Variants in PTPRT observed in about 807,000 individuals in gnomAD.
PTPRT encodes protein tyrosine phosphatase receptor type T.
PTPRT carries 56 observed loss-of-function variants against 176.8 expected under a neutral mutation model. That is an observed-to-expected ratio of 0.32 (90% CI 0.26 to 0.40). The LOEUF is 0.40. Among genes scored for constraint, PTPRT ranks in the 10% least tolerant of loss-of-function variants. The pLI, the probability that PTPRT is intolerant of heterozygous loss-of-function variation, is 1.00. For synonymous variants in PTPRT, 783 were observed against 739.0 expected (o/e 1.06, Z -0.96); for missense variants, 1,540 against 1,908.2 (o/e 0.81, Z 3.60).
intron 7 of PTPRT, among the ~76,000 whole-genome samples, chr20:42,614,575 A>G (rs747596273): frequency 2.2e-4 from 33 of 151,958 alleles, no homozygotes; most frequent in Non-Finnish European, 4.1e-4. Context: ...GCTTTTTTCA[A>G]CTTTCACCAT....
the PTPRT span, among the ~76,000 whole-genome samples, chr20:42,039,246 A>G: frequency 6.6e-6 from 1 of 152,332 alleles, no homozygotes; most frequent in East Asian, 1.9e-4. Flanking sequence ...GTATATATTT[A>G]TGGTAGATCA....
At chr20:42,784,322 T>C (rs1045194661) in intron 3 of PTPRT, among the ~76,000 whole-genome samples, 3 of 152,210 alleles carry the variant, frequency 2.0e-5, no homozygotes, top group Non-Finnish European at 2.9e-5. Flanking sequence ...AAAATCTGCA[T>C]GGCAAAAATT....
chr20:43,151,177 G>GCA (rs2014339839), intron 1 of PTPRT, among the ~76,000 whole-genome samples: 1 of 151,790 alleles, frequency 6.6e-6, no homozygotes, highest in Non-Finnish European at 1.5e-5. Flanking sequence ...ATGGTGGCTT[G>GCA]TGCCTGTAAT....
At chr20:42,386,369 T>C (rs2058744324) in intron 9 of PTPRT, among the ~76,000 whole-genome samples, 1 of 152,098 alleles carries the variant, frequency 6.6e-6, no homozygotes, top group African/African-American at 2.4e-5. Context: ...TACGGGGACC[T>C]AACTAAAAAT....
At chr20:42,218,094 C>G (rs539532045) in intron 15 of PTPRT, among the ~76,000 whole-genome samples, 1 of 152,124 alleles carries the variant, frequency 6.6e-6, no homozygotes, top group East Asian at 1.9e-4. Flanking sequence ...AGCAAATGAT[C>G]GGTTAAAGCC....
At chr20:42,783,510 G>T (rs1421697984) in intron 3 of PTPRT, among the ~76,000 whole-genome samples, 1 of 152,066 alleles carries the variant, frequency 6.6e-6, no homozygotes, top group African/African-American at 2.4e-5. Flanking sequence ...TGATCAAAAG[G>T]TGCCCCAGAA....
At chr20:42,666,285 T>G (rs1047294433) in intron 7 of PTPRT, among the ~76,000 whole-genome samples, 1 of 152,142 alleles carries the variant, frequency 6.6e-6, no homozygotes, top group African/African-American at 2.4e-5. Context: ...TCTTTTAAAT[T>G]TATTTGGGAT....
chr20:43,043,264 G>C (rs746773311), intron 1 of PTPRT, among the ~76,000 whole-genome samples: 2 of 152,076 alleles, frequency 1.3e-5, no homozygotes, highest in Non-Finnish European at 2.9e-5. Flanking sequence ...GGAGGCATTG[G>C]GAACATCCTT....
intron 7 of PTPRT, among the ~76,000 whole-genome samples, chr20:42,644,891 G>A: frequency 6.6e-6 from 1 of 152,108 alleles, no homozygotes; most frequent in East Asian, 1.9e-4. Flanking sequence ...ATTTCTCATT[G>A]AAGGTACAGT....
intron 1 of PTPRT, among the ~76,000 whole-genome samples, chr20:43,126,850 G>A (rs1224659746): frequency 2.0e-5 from 3 of 152,164 alleles, no homozygotes; most frequent in Non-Finnish European, 4.4e-5. Context: ...CCCAGGAGTA[G>A]TAAACATCCA....
chr20:43,139,837 C>A, intron 1 of PTPRT, among the ~76,000 whole-genome samples: 1 of 152,182 alleles, frequency 6.6e-6, no homozygotes, highest in East Asian at 1.9e-4. Context: ...GCAGCATCGG[C>A]ATCTGGGCCT....
intron 11 of PTPRT, among the ~76,000 whole-genome samples, chr20:42,317,867 C>CT (rs2057743194): frequency 6.6e-6 from 1 of 152,172 alleles, no homozygotes; most frequent in South Asian, 2.1e-4. Flanking sequence ...ATGACCATGC[C>CT]TGTTGTACAT....
chr20:42,711,736 T>C (rs1055826574), intron 6 of PTPRT, among the ~76,000 whole-genome samples: 2 of 151,836 alleles, frequency 1.3e-5, no homozygotes, highest in African/African-American at 4.8e-5. Context: ...TATGAACAAA[T>C]TGAACTTTTT....
At chr20:42,966,258 A>G (rs1290921971) in intron 1 of PTPRT, 3 of 152,210 alleles carry the variant, frequency 2.0e-5, no homozygotes, top group Admixed American at 6.5e-5. Flanking sequence ...GCTTGCCAAC[A>G]CTGGGTATTA....
intron 2 of PTPRT, among the ~76,000 whole-genome samples, chr20:42,869,332 G>A (rs1187629132): frequency 6.6e-6 from 1 of 152,146 alleles, no homozygotes; most frequent in East Asian, 1.9e-4. Flanking sequence ...GAGCTGCTTT[G>A]TGGGGCACGC....
intron 29 of PTPRT, among the ~76,000 whole-genome samples, chr20:42,083,122 A>AG: frequency 6.7e-6 from 1 of 149,334 alleles, no homozygotes; most frequent in African/African-American, 2.5e-5. Context: ...CTAGTGCAAA[A>AG]AAAAAAAAAA....
At chr20:42,987,622 AC>A (rs1983672936) in intron 1 of PTPRT, among the ~76,000 whole-genome samples, 2 of 151,024 alleles carry the variant, frequency 1.3e-5, no homozygotes, top group South Asian at 2.1e-4. Flanking sequence ...TCAGACACTC[AC>A]CCCGCCCACA....
the PTPRT span, among the ~76,000 whole-genome samples, chr20:42,057,335 G>GT: frequency 1.3e-5 from 2 of 152,098 alleles, no homozygotes; most frequent in Non-Finnish European, 2.9e-5. Context: ...CATGTTATTG[G>GT]CGGGGGGCGG....
At chr20:42,852,221 C>T (rs1197531411) in intron 2 of PTPRT, among the ~76,000 whole-genome samples, 1 of 152,100 alleles carries the variant, frequency 6.6e-6, no homozygotes, top group Non-Finnish European at 1.5e-5. Context: ...TATGTAATCA[C>T]TTTGGGGGAG....
Sources: allele counts gnomAD v4.1 joint callset (sites outside exome capture counted in the v4.1 genomes callset), GRCh38; gene constraint gnomAD v4.1.1; transcripts MANE v1.5; gene names NCBI Gene and HGNC (gene_info 2026-07-23, HGNC 2026-07-21).